MGRN1: variants seen among roughly 807,000 people sequenced by gnomAD.
MGRN1 encodes E3 ubiquitin-protein ligase MGRN1.
MGRN1 carries 29 observed loss-of-function variants against 69.2 expected under a neutral mutation model. The observed-to-expected ratio is 0.42, with a 90% CI of 0.31 to 0.57. The LOEUF is 0.57. Ranked by LOEUF, MGRN1 falls within the 20% of genes least tolerant of loss-of-function variation. MGRN1 has a pLI of 0.15. For missense variants in MGRN1, 998 were observed against 796.2 expected, an observed-to-expected ratio of 1.25 and a Z score of -3.05; for synonymous variants, 470 against 344.2, an observed-to-expected ratio of 1.37 and a Z score of -4.04.
At chr16:4,668,743 TAC>T (rs1005720819) in intron 8 of MGRN1, among the ~76,000 whole-genome samples, 6 of 139,144 alleles carry the variant, frequency 4.3e-5, no homozygotes, top group African/African-American at 5.4e-5. Context: ...CACATACTGA[TAC>T]ACACACATAT....
At chr16:4,641,490 A>G (rs968799451) in intron 1 of MGRN1, among the ~76,000 whole-genome samples, 4 of 147,210 alleles carry the variant, frequency 2.7e-5, no homozygotes, top group African/African-American at 9.8e-5. Context: ...CTGGTACTAC[A>G]GGCACATACC....
intron 4 of MGRN1, among the ~76,000 whole-genome samples, chr16:4,654,004 G>A (rs763434489): frequency 2.6e-5 from 4 of 152,142 alleles, no homozygotes; most frequent in South Asian, 2.1e-4. Context: ...CACCTGCCTC[G>A]GCCTCCCAAA....
chr16:4,635,489 A>C lies in MGRN1; in HGVS notation c.88+10441A>C, dbSNP rs1596259368. ...TATTCTTTTTTTTTTCTTTTTTTCG[A>C]GACAGAGTCTTGCTCTGTCGCCCAG... On this transcript the variant is annotated intron_variant, in intron 1 of 16. Transcript: ENST00000262370. Among the ~76,000 whole-genome samples the C allele has an allele frequency of 3.3e-5, 5 of 151,720 alleles. No individual in the cohort carries two copies. In the East Asian group the frequency reaches 9.7e-4, roughly 29 times the overall value.
At chr16:4,683,401 C>G (rs2079234033) in intron 15 of MGRN1, 132 bp downstream of exon 15, 1 of 1,065,890 alleles carries the variant, frequency 9.4e-7, no homozygotes, top group South Asian at 1.5e-5. Flanking sequence ...CAAGAGGCCC[C>G]CCTCGGCGGC....
chr16:4,681,838 G>A (rs2079189152), intron 13 of MGRN1, 62 bp downstream of exon 13: 11 of 1,483,140 alleles, frequency 7.4e-6, no homozygotes, highest in Non-Finnish European at 1.0e-5. Flanking sequence ...CGGAGCGGGT[G>A]TCTTTGTGGT....
At chr16:4,639,504 G>A (rs2078110864) in intron 1 of MGRN1, among the ~76,000 whole-genome samples, 1 of 152,180 alleles carries the variant, frequency 6.6e-6, no homozygotes, top group African/African-American at 2.4e-5. Context: ...CATCTGGAAG[G>A]TCAGGAGGAA....
intron 7 of MGRN1, among the ~76,000 whole-genome samples, chr16:4,667,322 G>A (rs142142531): frequency 4.6e-5 from 7 of 152,362 alleles, no homozygotes; most frequent in African/African-American, 1.2e-4. Flanking sequence ...TGTGTGTCCT[G>A]TGGCGAGGCT....
chr16:4,641,076 C>T (rs755966505), intron 1 of MGRN1, among the ~76,000 whole-genome samples: 48 of 152,364 alleles, frequency 3.2e-4, no homozygotes, highest in Non-Finnish European at 5.4e-4. Context: ...CTTCCCACTT[C>T]CCACTCACAG....
intron 7 of MGRN1, among the ~76,000 whole-genome samples, chr16:4,667,395 G>A (rs1234572279): frequency 6.6e-6 from 1 of 152,202 alleles, no homozygotes; most frequent in East Asian, 1.9e-4. Flanking sequence ...CTGGGCAGAG[G>A]GCAGCCTTCT....
rs772335788 is a variant in MGRN1, at chr16:4,671,493, A to G, written c.795+34A>G. 3.4e-5 allele frequency: 54 copies of G among 1,600,482 alleles called. No homozygotes were observed. In the South Asian group the frequency reaches 4.7e-4, roughly 14 times the overall value. The stretch of plus-strand genomic sequence containing the variant: ...CTGGGTGAGGTTTCCCTCTGCCATT[A>G]CAGAAGCCCACACCAGGAGCAGCCG... On this transcript the variant is annotated intron_variant, in intron 9 of 16. Coordinates refer to ENST00000262370, the MANE Select transcript of MGRN1 (RefSeq NM_015246.4).
At chr16:4,656,926 T>TAAAC (rs1276434426) in intron 4 of MGRN1, among the ~76,000 whole-genome samples, 9 of 122,054 alleles carry the variant, frequency 7.4e-5, no homozygotes, top group African/African-American at 1.8e-4. Flanking sequence ...AATAAATAAA[T>TAAAC]AAACAAACCA....
chr16:4,683,872 C>A lies in MGRN1; in HGVS notation c.1558C>A (p.Leu520Met), dbSNP rs2079246483. ...GTRAASIENV[L>M]QDSSPEHCGR... ...CCGAGCAGCTTCCATTGAGAATGTC[C>A]TGCAGGACAGCAGCCCCGAGCACTG... Residue 520 changes from leucine to methionine, a missense_variant, in exon 16 of 17, where the codon CTG (leucine) becomes ATG (methionine). Transcript: ENST00000262370. 1.2e-6 allele frequency: 2 copies of A among 1,612,888 alleles called. No homozygotes were observed. The highest frequency in any genetic ancestry group is 1.1e-5 in the South Asian group (1 of 91,010).
chr16:4,648,185 G>A (rs2078314090), intron 1 of MGRN1, among the ~76,000 whole-genome samples: 1 of 152,190 alleles, frequency 6.6e-6, no homozygotes, highest in African/African-American at 2.4e-5. Flanking sequence ...TGTATTCTGA[G>A]CATCCTTGAA....
intron 4 of MGRN1, among the ~76,000 whole-genome samples, chr16:4,656,111 G>A (rs954015209): frequency 6.6e-6 from 1 of 152,232 alleles, no homozygotes; most frequent in Non-Finnish European, 1.5e-5. Context: ...GGCAAGCAGG[G>A]CGGTGGGGTG....
intron 16 of MGRN1, chr16:4,686,332 G>T: frequency 6.5e-7 from 1 of 1,541,198 alleles, no homozygotes. Context: ...GCGCTTCGGG[G>T]GCTCTGACGC....
rs1415872636 is a variant in MGRN1 at position 4,664,705 on chromosome 16, T to C, written c.562-4T>C. On this transcript the variant is annotated splice_region_variant and splice_polypyrimidine_tract_variant and intron_variant, in intron 5 of 16. Coordinates refer to ENST00000262370, the MANE Select transcript of MGRN1 (RefSeq NM_015246.4). Reference sequence around the variant, plus strand: ...CTGACCATTCTTGGCAACTCTCTCCTCAGCTGAACTTTGACCTGGACCGGG... The same window carrying C: ...CTGACCATTCTTGGCAACTCTCTCCCCAGCTGAACTTTGACCTGGACCGGG... 1 of 1,614,162 alleles carries C rather than the reference T, an allele frequency of 6.2e-7. No individual in the cohort carries two copies. The highest frequency in any genetic ancestry group is 1.1e-5 in the South Asian group (1 of 91,080).
At position 4,688,979 on chromosome 16, in the gene MGRN1, G is replaced by T; in HGVS notation, c.*71G>T. ...TTGCCGAGGGGCTGCTCCGGACCCCGTTGTGAGCCGGCCTCCTGTCTGCAT... is the reference window on the plus strand; with the variant it reads ...TTGCCGAGGGGCTGCTCCGGACCCCTTTGTGAGCCGGCCTCCTGTCTGCAT... On this transcript the variant is annotated 3_prime_UTR_variant, in exon 17 of 17. Coordinates refer to ENST00000262370, the MANE Select transcript of MGRN1 (RefSeq NM_015246.4). The T allele has an allele frequency of 6.8e-7, 1 of 1,463,600 alleles. No individual in the cohort carries two copies. The highest frequency in any genetic ancestry group is 2.2e-4 in the Middle Eastern group (1 of 4,450). 90.7% of individuals were successfully genotyped at this position (1,463,600 alleles called of 1,614,324 possible).
At chr16:4,673,762 A>G in intron 10 of MGRN1, 105 bp downstream of exon 10, 1 of 1,383,660 alleles carries the variant, frequency 7.2e-7, no homozygotes, top group Non-Finnish European at 9.8e-7. Flanking sequence ...GATGGCTAAG[A>G]AAGAAGAGTT....
rs568388203 is a variant in MGRN1 at position 4,645,210 on chromosome 16, G to C, written c.89-5155G>C. Among the ~76,000 whole-genome samples the C allele has an allele frequency of 2.1e-4, 32 of 152,220 alleles. 1 individual carries two copies. The South Asian group carries it at 6.0e-3, about 29-fold the overall frequency. On this transcript the variant is annotated intron_variant, in intron 1 of 16. Transcript: ENST00000262370. ...GGGTCTTGCTCTGTTGCCCAGGCTGGAGTGCAGTGTGGTGTGATCATGGCT... is the reference window on the plus strand; with the variant it reads ...GGGTCTTGCTCTGTTGCCCAGGCTGCAGTGCAGTGTGGTGTGATCATGGCT...
Sources: gnomAD v4.1 joint callset for allele counts (sites outside exome capture counted in the v4.1 genomes callset) on GRCh38, gnomAD v4.1.1 for gene constraint, MANE v1.5 for transcripts, NCBI Gene and HGNC (gene_info 2026-07-23, HGNC 2026-07-21) for gene names.